RHAG: variants seen among roughly 807,000 people sequenced by gnomAD.
The protein encoded by RHAG is ammonium transporter Rh type A.
Under a neutral mutation model 42.4 loss-of-function variants are expected in RHAG, and 25 were observed. The observed-to-expected ratio is 0.59, with a 90% CI of 0.43 to 0.82. The LOEUF is 0.82. RHAG is among the 40% of genes least tolerant of loss of function. RHAG has a pLI of 0.00. For synonymous variants in RHAG, 182 were observed against 177.7 expected (o/e 1.02, Z -0.19); for missense variants, 483 against 504.6 (o/e 0.96, Z 0.41).
At chr6:49,623,704 G>A (rs963457404) in intron 1 of RHAG, among the ~76,000 whole-genome samples, 1 of 152,196 alleles carries the variant, frequency 6.6e-6, no homozygotes, top group African/African-American at 2.4e-5. Flanking sequence ...TGCCAAACTT[G>A]CTGTGGTGAA....
Position 49,612,553 on chromosome 6 carries a change from C to T in RHAG, c.808-19G>A, listed in dbSNP as rs753368875. Reference sequence around the variant, plus strand: ...TGTGAACCTGTGTGAGCGGCAGAAACATAAATGAGGTGAGCTGGATGATGG... The same window carrying T: ...TGTGAACCTGTGTGAGCGGCAGAAATATAAATGAGGTGAGCTGGATGATGG... On this transcript the variant is annotated intron_variant, in intron 5 of 9. Coordinates refer to ENST00000371175, the MANE Select transcript of RHAG (RefSeq NM_000324.3). The T allele has an allele frequency of 6.2e-7, 1 of 1,613,866 alleles. No individual in the cohort carries two copies. The highest frequency in any genetic ancestry group is 2.2e-5 in the East Asian group (1 of 44,880).
chr6:49,606,088 C>T lies in RHAG; in HGVS notation c.1213-258G>A, dbSNP rs113285081. Among the ~76,000 whole-genome samples, 661 of 152,130 alleles carry T rather than the reference C, an allele frequency of 4.3e-3. 2 individuals carry two copies. The highest frequency in any genetic ancestry group is 0.015 in the African/African-American group (623 of 41,502). ...AAACATCTATCCCTCTCAAGCTTTG[C>T]GGGAAATAATTTGGGAAAAAGTATC... is the stretch of plus-strand genomic sequence containing the variant. On this transcript the variant is annotated intron_variant, in intron 9 of 9. Coordinates refer to ENST00000371175, the MANE Select transcript of RHAG (RefSeq NM_000324.3).
chr6:49,616,578 T>C (rs1762658526), intron 3 of RHAG, among the ~76,000 whole-genome samples: 3 of 152,186 alleles, frequency 2.0e-5, no homozygotes, highest in African/African-American at 7.2e-5. Context: ...TAGGATATGA[T>C]GTGGTTTTGA....
intron 1 of RHAG, among the ~76,000 whole-genome samples, chr6:49,625,875 A>T (rs985717123): frequency 3.9e-5 from 6 of 152,186 alleles, no homozygotes; most frequent in Non-Finnish European, 8.8e-5. Context: ...AAGGAGGAGC[A>T]AAGTCATGTC....
At chr6:49,607,784 G>A (rs1762498846) in intron 7 of RHAG, among the ~76,000 whole-genome samples, 1 of 152,166 alleles carries the variant, frequency 6.6e-6, no homozygotes. Flanking sequence ...GGTGTTATAT[G>A]AATGACAAAT....
In RHAG at chr6:49,615,614, C is replaced by A; in HGVS notation, c.640+10G>T. ...ATAGATAAGATTCAAGCAAGTTTAT[C>A]CACACTCACCAATCATTGCAAACAA... On this transcript the variant is annotated intron_variant, in intron 4 of 9. Coordinates refer to ENST00000371175, the MANE Select transcript of RHAG (RefSeq NM_000324.3). 6.2e-7 allele frequency: 1 copy of A among 1,613,492 alleles called. No homozygotes were observed.
chr6:49,614,139 T>C lies in RHAG; in HGVS notation c.807+548A>G, dbSNP rs1045557283. ...AGACTACCTTCATTCTCTACTAGAC[T>C]GTAAATCCCTTGAGAACATTTTTTA... On this transcript the variant is annotated intron_variant, in intron 5 of 9. Coordinates refer to ENST00000371175, the MANE Select transcript of RHAG (RefSeq NM_000324.3). Among the ~76,000 whole-genome samples the C allele has an allele frequency of 2.0e-5, 3 of 152,140 alleles. No individual in the cohort carries two copies. The South Asian group carries it at 6.2e-4, about 32-fold the overall frequency.
chr6:49,633,288 C>A (rs1762960263), intron 1 of RHAG, among the ~76,000 whole-genome samples: 1 of 152,080 alleles, frequency 6.6e-6, no homozygotes, highest in Non-Finnish European at 1.5e-5. Context: ...TGAATCCCTG[C>A]ACTGGCACTG....
intron 1 of RHAG, among the ~76,000 whole-genome samples, chr6:49,631,382 T>C (rs888582135): frequency 1.5e-4 from 23 of 152,252 alleles, no homozygotes; most frequent in Non-Finnish European, 3.1e-4. Flanking sequence ...TCCTTTATAT[T>C]AATTAGTATT....
chr6:49,622,840 T>TG (rs1554175883), intron 1 of RHAG, among the ~76,000 whole-genome samples: 11 of 147,856 alleles, frequency 7.4e-5, no homozygotes, highest in Admixed American at 2.0e-4. Flanking sequence ...CTTTTTTTTT[T>TG]TTTGTTTTGT....
At chr6:49,626,601 A>G (rs1762848869) in intron 1 of RHAG, among the ~76,000 whole-genome samples, 1 of 152,080 alleles carries the variant, frequency 6.6e-6, no homozygotes, top group Non-Finnish European at 1.5e-5. Flanking sequence ...CTGTCAGTGG[A>G]TCTACCATTC....
At chr6:49,615,174 A>C in intron 4 of RHAG, 2 of 292,532 alleles carry the variant, frequency 6.8e-6, no homozygotes, top group Non-Finnish European at 1.3e-5. Flanking sequence ...CTGGTCTCGA[A>C]CTCCTGACCT....
At chr6:49,627,983 G>C (rs1762867875) in intron 1 of RHAG, among the ~76,000 whole-genome samples, 1 of 152,074 alleles carries the variant, frequency 6.6e-6, no homozygotes, top group Non-Finnish European at 1.5e-5. Flanking sequence ...ATGTTAAAAT[G>C]TAACTGATTA....
intron 1 of RHAG, among the ~76,000 whole-genome samples, chr6:49,632,469 G>A (rs1046854246): frequency 1.3e-5 from 2 of 152,156 alleles, no homozygotes; most frequent in African/African-American, 2.4e-5. Context: ...GCTATCACAA[G>A]CTTATCAACT....
At chr6:49,620,535 C>CT (rs1422617349) in intron 1 of RHAG, among the ~76,000 whole-genome samples, 1 of 151,136 alleles carries the variant, frequency 6.6e-6, no homozygotes, top group Non-Finnish European at 1.5e-5. Context: ...CTCTCTCTCT[C>CT]TTTTTTTGGG....
chr6:49,629,803 T>C (rs1433935923), intron 1 of RHAG, among the ~76,000 whole-genome samples: 1 of 152,116 alleles, frequency 6.6e-6, no homozygotes, highest in Non-Finnish European at 1.5e-5. Flanking sequence ...GCTAAGTCCC[T>C]CATTGCCCGG....
chr6:49,635,328 G>T (rs1446887285), intron 1 of RHAG, among the ~76,000 whole-genome samples: 1 of 151,818 alleles, frequency 6.6e-6, no homozygotes, highest in East Asian at 1.9e-4. Flanking sequence ...TCATATTTTT[G>T]GCATTTTTAA....
intron 5 of RHAG, 23 bp downstream of exon 5, chr6:49,614,664 A>G (rs1342758813): frequency 6.2e-7 from 1 of 1,612,256 alleles, no homozygotes. Context: ...CAAAATTTCC[A>G]TGAGGGCTAA....
At chr6:49,635,763 TA>T (rs1202771911) in intron 1 of RHAG, among the ~76,000 whole-genome samples, 1 of 151,708 alleles carries the variant, frequency 6.6e-6, no homozygotes, top group African/African-American at 2.4e-5. Context: ...AATGTTGGAA[TA>T]AAAAAAAGGG....
Sources: allele counts gnomAD v4.1 joint callset (sites outside exome capture counted in the v4.1 genomes callset), GRCh38; gene constraint gnomAD v4.1.1; transcripts MANE v1.5; gene names NCBI Gene and HGNC (gene_info 2026-07-23, HGNC 2026-07-21).